Variants in TENM2 observed in about 807,000 individuals in gnomAD.
TENM2 encodes the protein teneurin transmembrane protein 2.
Under a neutral mutation model 245.2 loss-of-function variants are expected in TENM2, and 52 were observed. The ratio of observed to expected loss-of-function variants is 0.21; its 90% CI spans 0.17 to 0.27. TENM2 has a LOEUF of 0.27. Ranked by LOEUF, TENM2 falls within the 10% of genes least tolerant of loss-of-function variation. The probability of loss-of-function intolerance (pLI) is 1.00; values close to 1 mark genes in which losing one functional copy is unlikely to be tolerated. For missense variants in TENM2, 3,046 were observed against 3,666.8 expected, an observed-to-expected ratio of 0.83 and a Z score of 4.37; for synonymous variants, 1,363 against 1,438.9, an observed-to-expected ratio of 0.95 and a Z score of 1.19.
intron 1 of TENM2, among the ~76,000 whole-genome samples, chr5:167,304,505 G>C (rs1755548322): frequency 6.6e-6 from 1 of 152,194 alleles, no homozygotes; most frequent in African/African-American, 2.4e-5. Flanking sequence ...CAGATGTGTA[G>C]TGCAGGACTT....
chr5:167,431,613 A>C (rs975204060), intron 2 of TENM2, among the ~76,000 whole-genome samples: 1 of 152,008 alleles, frequency 6.6e-6, no homozygotes, highest in Admixed American at 6.6e-5. Flanking sequence ...ATTGCATTCA[A>C]TCTTGAAATA....
At chr5:167,640,894 T>TATATATATATATATAC (rs1779557973) in intron 2 of TENM2, among the ~76,000 whole-genome samples, 1 of 108,406 alleles carries the variant, frequency 9.2e-6, no homozygotes, top group African/African-American at 3.5e-5. Flanking sequence ...TATATATATA[T>TATATATATATATATAC]ATATATATAT....
Position 167,446,693 on chromosome 5 carries a change from CT to C in TENM2, c.502+71226del, listed in dbSNP as rs758982741. On this transcript the variant is annotated intron_variant, in intron 2 of 28. Coordinates refer to ENST00000518659, the Ensembl canonical transcript of TENM2. ...AAAAGTTATGGAGTAAACCTATCAACTTTTTTGGGGGGGGGGATTTGTACCC... is the reference window on the plus strand; with the variant it reads ...AAAAGTTATGGAGTAAACCTATCAACTTTTTGGGGGGGGGGATTTGTACCC... 0.045 allele frequency among the ~76,000 whole-genome samples: 523 copies of C among 11,582 alleles called. 27 individuals carry two copies. In the South Asian group the frequency reaches 0.46, roughly 10 times the overall value. 7.6% of individuals were successfully genotyped at this position (11,582 alleles called of 152,430 possible). A position where few individuals can be genotyped will look rare whatever the true frequency, so the allele number is the denominator to read the frequency against.
Position 168,075,261 on chromosome 5 carries a change from T to A in TENM2, c.1515+12996T>A, listed in dbSNP as rs571915931. On this transcript the variant is annotated intron_variant, in intron 7 of 28. Transcript: ENST00000518659. ...TCCATTCAGGTTGCTGTGAATGTCG[T>A]TATTTCATTCCTTTTAATGTCTGAG... 6.2e-4 allele frequency among the ~76,000 whole-genome samples: 95 copies of A among 152,338 alleles called. 3 individuals are homozygous for A. The highest frequency in any genetic ancestry group is 6.2e-3 in the Admixed American group (95 of 15,296).
intron 3 of TENM2, chr5:167,949,045 T>C (rs538207594): frequency 4.6e-5 from 7 of 152,208 alleles, no homozygotes; most frequent in African/African-American, 1.7e-4. Context: ...GTGCTTGTGA[T>C]CATTTGTTGT....
intron 3 of TENM2, among the ~76,000 whole-genome samples, chr5:167,901,544 G>T (rs964738648): frequency 2.6e-5 from 4 of 152,152 alleles, no homozygotes; most frequent in African/African-American, 9.7e-5. Context: ...TTAACTAGCA[G>T]TTCTTAATCT....
At chr5:168,058,724 T>C (rs562846922) in intron 6 of TENM2, among the ~76,000 whole-genome samples, 1 of 152,332 alleles carries the variant, frequency 6.6e-6, no homozygotes, top group South Asian at 2.1e-4. Context: ...CTATTTTTTG[T>C]CTCTTAGAGA....
At chr5:167,584,817 C>T (rs959244511) in intron 2 of TENM2, among the ~76,000 whole-genome samples, 3 of 151,972 alleles carry the variant, frequency 2.0e-5, no homozygotes, top group Admixed American at 6.5e-5. Context: ...GTCTCAGCCT[C>T]CCAAGTAGCT....
intron 7 of TENM2, among the ~76,000 whole-genome samples, chr5:168,066,369 A>C (rs531419211): frequency 5.1e-4 from 77 of 152,304 alleles, no homozygotes; most frequent in African/African-American, 1.9e-3. Flanking sequence ...GGAGCACCAG[A>C]AATATCAATG....
intron 11 of TENM2, among the ~76,000 whole-genome samples, chr5:168,125,426 G>A (rs1795779167): frequency 2.0e-5 from 3 of 152,154 alleles, no homozygotes; most frequent in Non-Finnish European, 4.4e-5. Flanking sequence ...GGGGTGCTGC[G>A]TGAACATGTT....
At chr5:168,021,028 CTATT>C (rs1262192561) in intron 5 of TENM2, among the ~76,000 whole-genome samples, 1 of 152,208 alleles carries the variant, frequency 6.6e-6, no homozygotes, top group East Asian at 1.9e-4. Context: ...TTCCTTTCCT[CTATT>C]TAAAAATTGA....
chr5:167,232,635 T>A, the TENM2 span, among the ~76,000 whole-genome samples: 3 of 152,216 alleles, frequency 2.0e-5, no homozygotes, highest in African/African-American at 7.2e-5. Flanking sequence ...CCTCCCACAG[T>A]GCTGGGATTA....
At chr5:167,631,754 C>T (rs1353444483) in intron 2 of TENM2, among the ~76,000 whole-genome samples, 1 of 152,156 alleles carries the variant, frequency 6.6e-6, no homozygotes, top group African/African-American at 2.4e-5. Context: ...TTAAACTTCA[C>T]TTCCTTAGAA....
the TENM2 span, among the ~76,000 whole-genome samples, chr5:167,269,766 T>C: frequency 6.6e-6 from 1 of 152,178 alleles, no homozygotes. Flanking sequence ...CCACAAGATC[T>C]GTAAATCCTT....
intron 1 of TENM2, among the ~76,000 whole-genome samples, chr5:167,374,169 C>G (rs1760606025): frequency 6.6e-6 from 1 of 152,222 alleles, no homozygotes; most frequent in South Asian, 2.1e-4. Flanking sequence ...ACCACATATA[C>G]AACATGGTCT....
chr5:167,617,582 C>T lies in TENM2; in HGVS notation c.502+242109C>T, dbSNP rs1219430936. Among the ~76,000 whole-genome samples, 6 of 152,244 alleles carry T rather than the reference C, an allele frequency of 3.9e-5. No homozygotes were observed. In the South Asian group the frequency reaches 8.3e-4, roughly 21 times the overall value. ...GTAACTGACATTCAGATGTCACCAGCCTTTTGCAGACTCATATTCTGTCGT... is the reference window on the plus strand; with the variant it reads ...GTAACTGACATTCAGATGTCACCAGTCTTTTGCAGACTCATATTCTGTCGT... On this transcript the variant is annotated intron_variant, in intron 2 of 28. Coordinates refer to ENST00000518659, the Ensembl canonical transcript of TENM2.
intron 3 of TENM2, among the ~76,000 whole-genome samples, chr5:167,911,817 C>T (rs1429755525): frequency 6.6e-6 from 1 of 152,168 alleles, no homozygotes; most frequent in Non-Finnish European, 1.5e-5. Flanking sequence ...TGGTGGCTTA[C>T]TACCATGAAT....
At chr5:167,634,262 A>G (rs564686149) in intron 2 of TENM2, among the ~76,000 whole-genome samples, 7 of 152,356 alleles carry the variant, frequency 4.6e-5, no homozygotes, top group South Asian at 2.1e-4. Context: ...CCAGTTTGCA[A>G]TCACAAGCAA....
At chr5:167,510,946 AAAAT>A (rs200403398) in intron 2 of TENM2, among the ~76,000 whole-genome samples, 2 of 122,984 alleles carry the variant, frequency 1.6e-5, no homozygotes, top group Admixed American at 1.6e-4. Flanking sequence ...TAATAAAAAA[AAAAT>A]AAAAGAAAGA....
Sources: gnomAD v4.1 joint callset for allele counts (sites outside exome capture counted in the v4.1 genomes callset) on GRCh38, gnomAD v4.1.1 for gene constraint, MANE v1.5 for transcripts, NCBI Gene and HGNC (gene_info 2026-07-23, HGNC 2026-07-21) for gene names.